ACBD6: variants seen among roughly 807,000 people sequenced by gnomAD.
ACBD6 encodes acyl-CoA-binding domain-containing protein 6.
A neutral mutation model predicts 37.2 loss-of-function variants in ACBD6; 28 were observed. That is an observed-to-expected ratio of 0.75 (90% CI 0.56 to 1.03). The LOEUF is 1.03. Ranked by LOEUF, ACBD6 falls within the 50% of genes least tolerant of loss-of-function variation. The pLI, the probability that ACBD6 is intolerant of heterozygous loss-of-function variation, is 0.00. For synonymous variants in ACBD6, 113 were observed against 126.8 expected, an observed-to-expected ratio of 0.89 and a Z score of 0.73; for missense variants, 340 against 337.4, an observed-to-expected ratio of 1.01 and a Z score of -0.06.
intron 6 of ACBD6, among the ~76,000 whole-genome samples, chr1:180,329,262 A>G (rs968442870): frequency 6.6e-6 from 1 of 152,248 alleles, no homozygotes; most frequent in Non-Finnish European, 1.5e-5. Flanking sequence ...ACTAAGGTAT[A>G]TAAGGCTATT....
intron 3 of ACBD6, among the ~76,000 whole-genome samples, chr1:180,440,288 T>C (rs1649228335): frequency 6.6e-6 from 1 of 152,044 alleles, no homozygotes; most frequent in Non-Finnish European, 1.5e-5. Flanking sequence ...TTTGCATTTT[T>C]AGTAGAGATG....
At chr1:180,360,938 C>G (rs1652823086) in intron 6 of ACBD6, among the ~76,000 whole-genome samples, 1 of 152,034 alleles carries the variant, frequency 6.6e-6, no homozygotes, top group Non-Finnish European at 1.5e-5. Context: ...CTGTGTTGGG[C>G]AAATACCTAC....
chr1:180,274,799 A>AG, exon 10 of ACBD6: 1 of 558,604 alleles, frequency 1.8e-6, no homozygotes, highest in Non-Finnish European at 3.1e-6. Context: ...AACACAGCAC[A>AG]GGGGGTAATG....
intron 5 of ACBD6, among the ~76,000 whole-genome samples, chr1:180,413,084 T>G (rs567990407): frequency 6.6e-6 from 1 of 152,340 alleles, no homozygotes; most frequent in Non-Finnish European, 1.5e-5. Context: ...CCTGTAGATT[T>G]CACTTATTAT....
Position 180,449,922 on chromosome 1 carries a change from T to TAA in ACBD6, c.385-19662_385-19661dup, listed in dbSNP as rs149873580. Reference sequence around the variant, plus strand: ...AACTTAAATTAAAAAAAAAAAAACTTAAAAAAAAAAGCATGCTAATCTAAT... The same window carrying TAA: ...AACTTAAATTAAAAAAAAAAAAACTTAAAAAAAAAAAAGCATGCTAATCTAAT... On this transcript the variant is annotated intron_variant, in intron 3 of 7. Coordinates refer to ENST00000367595, the MANE Select transcript of ACBD6 (RefSeq NM_032360.4). Among the ~76,000 whole-genome samples, 535 of 137,894 alleles carry TAA rather than the reference T, an allele frequency of 3.9e-3. 6 individuals are homozygous for TAA. Among genetic ancestry groups the TAA allele is most frequent in the African/African-American group, 0.014 (507 of 37,064 alleles). The allele number at this position is 137,894 out of a possible 152,430, so 90.5% of individuals were successfully genotyped here. A position where few individuals can be genotyped will look rare whatever the true frequency, so the allele number is the denominator to read the frequency against.
chr1:180,420,483 C>T (rs1648311456), intron 4 of ACBD6, among the ~76,000 whole-genome samples: 1 of 152,120 alleles, frequency 6.6e-6, no homozygotes, highest in Non-Finnish European at 1.5e-5. Context: ...CCATAGAGTA[C>T]CATGTGTAAT....
chr1:180,369,093 A>C (rs927865527), intron 6 of ACBD6, among the ~76,000 whole-genome samples: 2 of 152,210 alleles, frequency 1.3e-5, no homozygotes, highest in Non-Finnish European at 2.9e-5. Context: ...GAAAACCTTT[A>C]GGCATCTCTG....
chr1:180,453,949 G>T (rs1314922079), intron 3 of ACBD6, among the ~76,000 whole-genome samples: 1 of 150,790 alleles, frequency 6.6e-6, no homozygotes, highest in African/African-American at 2.4e-5. Flanking sequence ...TCAATGTCAT[G>T]AAAAGTAATT....
In ACBD6 at chr1:180,413,567, T is replaced by A. The variant is rs964463575; in HGVS notation, c.468-96A>T. ...TGTTTGCTGCTGACATAGATGTTAA[T>A]GGACTCTGCTTACAAAAAAATTTTA... On this transcript the variant is annotated intron_variant, in intron 4 of 7. Coordinates refer to ENST00000367595, the MANE Select transcript of ACBD6 (RefSeq NM_032360.4). 5.2e-6 allele frequency: 5 copies of A among 969,646 alleles called. No individual in the cohort carries two copies. The African/African-American group carries it at 8.2e-5, about 16-fold the overall frequency. 60.1% of individuals were successfully genotyped at this position (969,646 alleles called of 1,614,324 possible).
chr1:180,355,051 T>C (rs997098644), intron 6 of ACBD6, among the ~76,000 whole-genome samples: 1 of 152,170 alleles, frequency 6.6e-6, no homozygotes, highest in Admixed American at 6.5e-5. Flanking sequence ...ACAAAAAAGA[T>C]TTATGTCAAT....
At chr1:180,328,784 T>C (rs2149299078) in intron 6 of ACBD6, among the ~76,000 whole-genome samples, 1 of 152,238 alleles carries the variant, frequency 6.6e-6, no homozygotes, top group Admixed American at 6.5e-5. Context: ...TCTGTGACTC[T>C]ATAATAGATG....
rs377207527 is a variant in ACBD6, at chr1:180,391,100, ATGG to A, written c.663+6413_663+6415del. On this transcript the variant is annotated intron_variant, in intron 6 of 7. Transcript: ENST00000367595. ...GGGGGAAAGAACAGTCTTTTCAATA[ATGG>A]TGGTGAAACAACTGGATATCCATAT... Among the ~76,000 whole-genome samples, 871 of 152,304 alleles carry A rather than the reference ATGG, an allele frequency of 5.7e-3. 5 individuals are homozygous for A. Among genetic ancestry groups the A allele is most frequent in the African/African-American group, 0.019 (808 of 41,552 alleles).
intron 1 of ACBD6, among the ~76,000 whole-genome samples, chr1:180,500,987 C>G (rs992777034): frequency 6.6e-6 from 1 of 152,158 alleles, no homozygotes; most frequent in Non-Finnish European, 1.5e-5. Context: ...TATGATAAAG[C>G]AATTATTTTC....
rs764098704 is a variant in ACBD6, at chr1:180,271,931, C to G, written c.*1294G>C. ...GTTCTATAAGAGCGTCAAGAGGAGC[C>G]GGGGCAGCAGCAAGCAGGAGAAGGA... On this transcript the variant is annotated 3_prime_UTR_variant, in exon 14 of 14. Coordinates refer to the ACBD6 transcript ENST00000642319. 2 of 1,613,118 alleles carry G rather than the reference C, an allele frequency of 1.2e-6. No individual in the cohort carries two copies.
chr1:180,294,141 C>T (rs763299894), intron 7 of ACBD6, among the ~76,000 whole-genome samples: 5 of 152,078 alleles, frequency 3.3e-5, no homozygotes, highest in Middle Eastern at 3.4e-3. Flanking sequence ...GTGATCCGCC[C>T]GCCCCAGCCT....
chr1:180,358,908 C>T (rs919885540), intron 6 of ACBD6, among the ~76,000 whole-genome samples: 5 of 152,326 alleles, frequency 3.3e-5, no homozygotes, highest in African/African-American at 9.6e-5. Context: ...CTTCTCTGGA[C>T]TCCATCTTCA....
At chr1:180,416,053 C>T (rs184176223) in intron 4 of ACBD6, among the ~76,000 whole-genome samples, 7 of 152,060 alleles carry the variant, frequency 4.6e-5, no homozygotes, top group South Asian at 2.1e-4. Context: ...TCAATAAATT[C>T]GCCAAAAATG....
At chr1:180,306,049 G>T (rs1199918254) in intron 7 of ACBD6, among the ~76,000 whole-genome samples, 1 of 142,912 alleles carries the variant, frequency 7.0e-6, no homozygotes, top group Non-Finnish European at 1.5e-5. Context: ...ATTGAACAAT[G>T]AGAACACGTG....
intron 7 of ACBD6, among the ~76,000 whole-genome samples, chr1:180,310,776 C>G (rs1207446814): frequency 6.6e-6 from 1 of 152,190 alleles, no homozygotes; most frequent in Non-Finnish European, 1.5e-5. Context: ...TTGACACTCT[C>G]ATCAGCAATG....
Sources: allele counts gnomAD v4.1 joint callset (sites outside exome capture counted in the v4.1 genomes callset), GRCh38; gene constraint gnomAD v4.1.1; transcripts MANE v1.5; gene names NCBI Gene and HGNC (gene_info 2026-07-23, HGNC 2026-07-21).